The following GSDMC variants were observed in gnomAD, a reference collection of about 807,000 sequenced individuals.
The protein encoded by GSDMC is gasdermin C.
In GSDMC, 59 loss-of-function variants were observed where a neutral mutation model predicts 58.0. The observed-to-expected ratio is 1.02, with a 90% CI of 0.82 to 1.26. GSDMC has a LOEUF of 1.26. Ranked by LOEUF, GSDMC falls within the 50% of genes most tolerant of loss-of-function variation. The pLI is 0.00. For synonymous variants in GSDMC, 241 were observed against 220.2 expected, an observed-to-expected ratio of 1.09 and a Z score of -0.83; for missense variants, 659 against 598.5, an observed-to-expected ratio of 1.10 and a Z score of -1.06.
At chr8:129,764,110 T>A (rs55864361) in intron 4 of GSDMC, among the ~76,000 whole-genome samples, 3,225 of 152,292 alleles carry the variant, frequency 0.021, 106 homozygotes, top group African/African-American at 0.071. Flanking sequence ...TCCTATGTTG[T>A]TTTTGTTTCC....
At chr8:129,772,725 C>T (rs186705076) in intron 3 of GSDMC, among the ~76,000 whole-genome samples, 1 of 152,190 alleles carries the variant, frequency 6.6e-6, no homozygotes, top group East Asian at 1.9e-4. Flanking sequence ...CCTGCTCAAA[C>T]CAAAAAATTG....
At chr8:129,709,492 T>C in the GSDMC span, among the ~76,000 whole-genome samples, 1 of 117,638 alleles carries the variant, frequency 8.5e-6, no homozygotes, top group African/African-American at 5.8e-5. Flanking sequence ...AGATAATAGA[T>C]AGATGATAGA....
At chr8:129,746,182 A>C (rs1396787797), downstream of GSDMC, among the ~76,000 whole-genome samples, 1 of 152,198 alleles carries the variant, frequency 6.6e-6, no homozygotes, top group Non-Finnish European at 1.5e-5. Flanking sequence ...CAAGAAAAAG[A>C]ACAGTTTTAT....
At chr8:129,781,906 G>A (rs188907041) in intron 1 of GSDMC, among the ~76,000 whole-genome samples, 32 of 152,278 alleles carry the variant, frequency 2.1e-4, no homozygotes, top group Non-Finnish European at 4.3e-4. Context: ...TCCAATGGAT[G>A]CAGAATACAC....
the GSDMC span, among the ~76,000 whole-genome samples, chr8:129,721,270 G>C: frequency 6.6e-6 from 1 of 152,090 alleles, no homozygotes; most frequent in South Asian, 2.1e-4. Context: ...TAGATGCCCA[G>C]CTATCAATAG....
chr8:129,741,504 C>A, the GSDMC span, among the ~76,000 whole-genome samples: 2 of 152,064 alleles, frequency 1.3e-5, no homozygotes, highest in African/African-American at 4.8e-5. Context: ...TTTGTGTCTT[C>A]TTTAATTGTT....
chr8:129,729,244 A>C, the GSDMC span: 22 of 634,434 alleles, frequency 3.5e-5, no homozygotes, highest in South Asian at 3.0e-4. Context: ...CAAGTGAAAT[A>C]GGTGGACTTA....
chr8:129,747,658 C>T (rs1024502490), downstream of GSDMC, among the ~76,000 whole-genome samples: 1 of 152,102 alleles, frequency 6.6e-6, no homozygotes, highest in African/African-American at 2.4e-5. Flanking sequence ...ATTCCCCATG[C>T]CTGCTGTGAT....
chr8:129,773,732 G>A (rs1481690577), intron 3 of GSDMC, among the ~76,000 whole-genome samples: 1 of 148,808 alleles, frequency 6.7e-6, no homozygotes, highest in Non-Finnish European at 1.5e-5. Flanking sequence ...GTTGCAGTGA[G>A]CCGAGATCAC....
At chr8:129,726,041 T>C in the GSDMC span, among the ~76,000 whole-genome samples, 1 of 152,204 alleles carries the variant, frequency 6.6e-6, no homozygotes. Flanking sequence ...CCTCTGCTTA[T>C]GGAAAAATAT....
chr8:129,731,610 T>C, the GSDMC span, among the ~76,000 whole-genome samples: 1 of 152,202 alleles, frequency 6.6e-6, no homozygotes, highest in Non-Finnish European at 1.5e-5. Context: ...TGTTGGAGGA[T>C]TCTCTTTTTC....
At chr8:129,785,904 G>A (rs1026787246) in intron 1 of GSDMC, 107 bp downstream of exon 1, 1 of 152,082 alleles carries the variant, frequency 6.6e-6, no homozygotes, top group Non-Finnish European at 1.5e-5. Flanking sequence ...GTCAAATTCT[G>A]TAGGAAAAAA....
At chr8:129,741,915 A>AATATATATATAT in the GSDMC span, among the ~76,000 whole-genome samples, 5,969 of 125,564 alleles carry the variant, frequency 0.048, 355 homozygotes, top group East Asian at 0.12. Context: ...AAGAAAATGT[A>AATATATATATAT]ATATATATAT....
At chr8:129,769,457 T>A (rs1563806031) in intron 3 of GSDMC, among the ~76,000 whole-genome samples, 1 of 152,144 alleles carries the variant, frequency 6.6e-6, no homozygotes, top group Non-Finnish European at 1.5e-5. Context: ...ATAACTGAAG[T>A]TTATTTGGCT....
intron 3 of GSDMC, 84 bp downstream of exon 3, chr8:129,776,018 G>A (rs1161122700): frequency 9.3e-6 from 10 of 1,075,826 alleles, no homozygotes; most frequent in Non-Finnish European, 1.3e-5. Context: ...CCTACAACAA[G>A]ACTTGCTAGA....
rs1243105803 is a variant in GSDMC at position 129,776,250 on chromosome 8, T to C, written c.256A>G (p.Ile86Val). 9 of 1,613,582 alleles carry C rather than the reference T, an allele frequency of 5.6e-6. No individual in the cohort carries two copies. The highest frequency in any genetic ancestry group is 5.9e-6 in the Non-Finnish European group (7 of 1,179,718). Residue 86 changes from isoleucine (I) to valine (V), a missense_variant, in exon 3 of 14, where the codon ATT becomes GTT. Ile to Val is a conservative substitution (Grantham distance 29). Transcript: ENST00000276708. The stretch of plus-strand genomic sequence containing the variant: ...TCAGCCTTATGCTTCTGGATCATAA[T>C]GTCACTGAAGTGGAACGGTCCTGTC... Reference protein sequence around the residue: ...VVTGPFHFSDIMIQKHKADMG... With the variant: ...VVTGPFHFSDVMIQKHKADMG...
At chr8:129,784,321 G>T (rs911599965) in intron 1 of GSDMC, among the ~76,000 whole-genome samples, 1 of 152,050 alleles carries the variant, frequency 6.6e-6, no homozygotes, top group Non-Finnish European at 1.5e-5. Flanking sequence ...CAGAATGGGA[G>T]AAAATATTTG....
chr8:129,725,162 G>A, the GSDMC span, among the ~76,000 whole-genome samples: 1 of 152,172 alleles, frequency 6.6e-6, no homozygotes, highest in Non-Finnish European at 1.5e-5. Context: ...TCTCCATCAA[G>A]TATCTTATTA....
chr8:129,729,879 C>T, the GSDMC span: 1 of 1,044,818 alleles, frequency 9.6e-7, no homozygotes, highest in South Asian at 1.3e-5. Context: ...AGCAGTATTG[C>T]CCCAACCTAC....
Sources: allele counts gnomAD v4.1 joint callset (sites outside exome capture counted in the v4.1 genomes callset), GRCh38; gene constraint gnomAD v4.1.1; transcripts MANE v1.5; gene names NCBI Gene and HGNC (gene_info 2026-07-23, HGNC 2026-07-21).